ARHGAP39: variants seen among roughly 807,000 people sequenced by gnomAD.
ARHGAP39 encodes the protein Rho GTPase activating protein 39.
Under a neutral mutation model 106.9 loss-of-function variants are expected in ARHGAP39, and 44 were observed. The observed-to-expected ratio is 0.41, with a 90% CI of 0.32 to 0.53. The LOEUF (loss-of-function observed/expected upper bound fraction) is 0.53. ARHGAP39 is among the 20% of genes least tolerant of loss of function. The pLI, the probability that ARHGAP39 is intolerant of heterozygous loss-of-function variation, is 0.21. For synonymous variants in ARHGAP39, 768 were observed against 693.2 expected, an observed-to-expected ratio of 1.11 and a Z score of -1.69; for missense variants, 1,496 against 1,577.3, an observed-to-expected ratio of 0.95 and a Z score of 0.87.
chr8:144,667,836 G>T (rs182883299), intron 1 of ARHGAP39, among the ~76,000 whole-genome samples: 1 of 152,336 alleles, frequency 6.6e-6, no homozygotes, highest in Admixed American at 6.5e-5. Flanking sequence ...CACAGAATGT[G>T]TTCAGAGCAT....
At chr8:144,576,238 C>T (rs970902630) in intron 3 of ARHGAP39, among the ~76,000 whole-genome samples, 1 of 143,288 alleles carries the variant, frequency 7.0e-6, no homozygotes, top group Non-Finnish European at 1.5e-5. Flanking sequence ...GAGGCTGAGG[C>T]AGGAAAATTG....
intron 8 of ARHGAP39, 43 bp downstream of exon 8, chr8:144,534,086 G>T: frequency 6.2e-7 from 1 of 1,604,350 alleles, no homozygotes. Context: ...AAGGGTCTCT[G>T]TGTCCCCGCC....
At position 144,547,224 on chromosome 8, in the gene ARHGAP39, G is replaced by A. The variant is rs762725569; in HGVS notation, c.1862C>T (p.Thr621Ile). The A allele has an allele frequency of 1.2e-5, 20 of 1,612,506 alleles. No homozygotes were observed. The highest frequency in any genetic ancestry group is 5.9e-6 in the Non-Finnish European group (7 of 1,179,812). The change falls in exon 5 of 12, where the codon ACC (threonine) becomes ATC (isoleucine). Residue 621 changes from threonine (T) to isoleucine (I), a missense_variant. Transcript: ENST00000377307. The surrounding 1 kb of genome is among the most constrained non-coding windows in gnomAD (Gnocchi z 5.2). The stretch of plus-strand genomic sequence containing the variant: ...CTGGGGGAAGCCTAGCTTCTCGAAG[G>A]TGCCCCTCCTCCAGTGCCTGTTCTC... ...QQENRHWRRG[T>I]FEKLGFPQIL...
chr8:144,537,844 A>C (rs372901032), intron 6 of ARHGAP39, 31 bp from the exon 7 acceptor site: 196 of 1,602,656 alleles, frequency 1.2e-4, no homozygotes, highest in Non-Finnish European at 1.6e-4. Context: ...TCAGCACGAC[A>C]GAACAAAACG....
chr8:144,567,959 CA>C (rs752385076), intron 3 of ARHGAP39, among the ~76,000 whole-genome samples: 5 of 152,150 alleles, frequency 3.3e-5, no homozygotes, highest in South Asian at 4.1e-4. Flanking sequence ...CCCCTGGGCC[CA>C]GCTGTCTTTT....
intron 1 of ARHGAP39, among the ~76,000 whole-genome samples, chr8:144,636,727 G>A (rs899346657): frequency 3.3e-5 from 5 of 152,104 alleles, no homozygotes; most frequent in African/African-American, 7.2e-5. Flanking sequence ...TTGGAGCATC[G>A]CCGGGGTGAC....
At chr8:144,581,526 G>C (rs1818991975) in intron 2 of ARHGAP39, among the ~76,000 whole-genome samples, 1 of 152,246 alleles carries the variant, frequency 6.6e-6, no homozygotes, top group African/African-American at 2.4e-5. Flanking sequence ...ACGTGGGGTA[G>C]GGACATACTG....
the ARHGAP39 span, among the ~76,000 whole-genome samples, chr8:144,699,892 G>C: frequency 6.6e-6 from 1 of 152,190 alleles, no homozygotes; most frequent in Non-Finnish European, 1.5e-5. Flanking sequence ...CCAGGAAAGA[G>C]AGAGCTGTGC....
intron 1 of ARHGAP39, among the ~76,000 whole-genome samples, chr8:144,612,173 G>A (rs1375958994): frequency 5.4e-5 from 8 of 147,478 alleles, no homozygotes; most frequent in Non-Finnish European, 7.5e-5. Context: ...AGAGTGAGGT[G>A]AGCCACGGCT....
At chr8:144,596,669 C>T (rs1038687059) in intron 2 of ARHGAP39, among the ~76,000 whole-genome samples, 1 of 152,154 alleles carries the variant, frequency 6.6e-6, no homozygotes, top group Non-Finnish European at 1.5e-5. Flanking sequence ...CACAGCCAGG[C>T]GCTGCTCTTT....
chr8:144,545,868 C>A, intron 5 of ARHGAP39, 58 bp from the exon 6 acceptor site: 11 of 1,403,260 alleles, frequency 7.8e-6, no homozygotes, highest in Non-Finnish European at 1.0e-5. Flanking sequence ...GGCAGGTGGG[C>A]CCACTGGGCC....
chr8:144,680,145 T>G (rs1482795626), intron 1 of ARHGAP39, among the ~76,000 whole-genome samples: 1 of 152,210 alleles, frequency 6.6e-6, no homozygotes. Flanking sequence ...TACTTCTGTC[T>G]GCAGTGCTAT....
chr8:144,551,496 G>A (rs534910393), intron 4 of ARHGAP39, among the ~76,000 whole-genome samples: 1 of 152,318 alleles, frequency 6.6e-6, no homozygotes, highest in South Asian at 2.1e-4. Context: ...AGATGGGGAA[G>A]CCCCGAGAGG....
chr8:144,650,579 C>T (rs1052448604), intron 1 of ARHGAP39, among the ~76,000 whole-genome samples: 4 of 152,098 alleles, frequency 2.6e-5, no homozygotes, highest in Non-Finnish European at 5.9e-5. Context: ...ACTTCATCCC[C>T]GGGATATAAG....
At chr8:144,592,550 T>C (rs1819445547) in intron 2 of ARHGAP39, among the ~76,000 whole-genome samples, 1 of 132,844 alleles carries the variant, frequency 7.5e-6, no homozygotes, top group South Asian at 2.6e-4. Context: ...GCCCAGACCC[T>C]AGGAAACCTG....
chr8:144,656,244 A>G (rs896466191), intron 1 of ARHGAP39, among the ~76,000 whole-genome samples: 6 of 151,920 alleles, frequency 3.9e-5, no homozygotes, highest in Non-Finnish European at 7.4e-5. Context: ...TGTAATCCCA[A>G]TACTTTGAGA....
intron 1 of ARHGAP39, among the ~76,000 whole-genome samples, chr8:144,606,027 G>T (rs1270003515): frequency 5.3e-5 from 8 of 152,342 alleles, no homozygotes; most frequent in African/African-American, 1.9e-4. Flanking sequence ...CGTAGGACTG[G>T]AGGACTGGGA....
rs909129312 is a variant in ARHGAP39, at chr8:144,646,691, A to G, written c.-82+38995T>C. Among the ~76,000 whole-genome samples the G allele has an allele frequency of 6.6e-6, 1 of 152,208 alleles. No homozygotes were observed. Among genetic ancestry groups the G allele is most frequent in the Admixed American group, 6.5e-5 (1 of 15,276 alleles). ...TACCTGAAAGCCTTGATTCTCAGAA[A>G]ACAACGCCTCTCTGAGCCAAGGGCA... On this transcript the variant is annotated intron_variant, in intron 1 of 11. Transcript: ENST00000377307. This position sits in a 1 kb window ranked among gnomAD's most constrained non-coding sequence, Gnocchi z 5.7.
chr8:144,652,907 G>A (rs1286315490), intron 1 of ARHGAP39, among the ~76,000 whole-genome samples: 1 of 151,460 alleles, frequency 6.6e-6, no homozygotes, highest in African/African-American at 2.4e-5. Context: ...GTACCCCCCC[G>A]AATCTAAAAT....
Sources: allele counts gnomAD v4.1 joint callset (sites outside exome capture counted in the v4.1 genomes callset), GRCh38; gene constraint gnomAD v4.1.1; non-coding constraint Gnocchi (gnomAD v3.1); transcripts MANE v1.5; gene names NCBI Gene and HGNC (gene_info 2026-07-23, HGNC 2026-07-21).